The following TNKS variants were observed in gnomAD, a reference collection of about 807,000 sequenced individuals.
The protein encoded by TNKS is poly [ADP-ribose] polymerase tankyrase-1.
Under a neutral mutation model 135.8 loss-of-function variants are expected in TNKS, and 72 were observed. The ratio of observed to expected loss-of-function variants is 0.53; its 90% CI spans 0.44 to 0.64. The LOEUF (loss-of-function observed/expected upper bound fraction) is 0.64, where lower values mean the gene tolerates loss of function less well. Ranked by LOEUF, TNKS falls within the 30% of genes least tolerant of loss-of-function variation. TNKS has a pLI of 0.00. For synonymous variants in TNKS, 849 were observed against 649.3 expected, an observed-to-expected ratio of 1.31 and a Z score of -4.68; for missense variants, 1,769 against 1,674.0, an observed-to-expected ratio of 1.06 and a Z score of -0.99.
intron 3 of TNKS, among the ~76,000 whole-genome samples, chr8:9,662,498 A>G (rs544766781): frequency 1.4e-3 from 219 of 152,302 alleles, no homozygotes; most frequent in African/African-American, 5.1e-3. Context: ...CGCAAGGACA[A>G]AAAACCAAAC....
rs1355050715 is a variant in TNKS, at chr8:9,711,441, T to C, written c.1749+1221T>C. On this transcript the variant is annotated intron_variant, in intron 11 of 26. Coordinates refer to ENST00000310430, the MANE Select transcript of TNKS (RefSeq NM_003747.3). ...AAATGAGTTGAATTTATGGATATTA[T>C]CCTAAATGGTAGAACTTTTATAAAT... is the stretch of plus-strand genomic sequence containing the variant. 2.0e-5 allele frequency among the ~76,000 whole-genome samples: 3 copies of C among 152,216 alleles called. No homozygotes were observed. The East Asian group carries it at 5.8e-4, about 29-fold the overall frequency.
intron 5 of TNKS, among the ~76,000 whole-genome samples, chr8:9,688,038 C>G (rs1304966227): frequency 6.6e-6 from 1 of 152,188 alleles, no homozygotes; most frequent in Non-Finnish European, 1.5e-5. Flanking sequence ...AAGACAGCTT[C>G]TGTGGTATTG....
intron 13 of TNKS, 31 bp downstream of exon 13, chr8:9,726,751 C>T: frequency 6.5e-7 from 1 of 1,532,650 alleles, no homozygotes; most frequent in Non-Finnish European, 9.0e-7. Flanking sequence ...TCTGGAATAG[C>T]ACTGTTGAAC....
chr8:9,658,704 A>C (rs1801545328), intron 3 of TNKS, among the ~76,000 whole-genome samples: 1 of 152,268 alleles, frequency 6.6e-6, no homozygotes, highest in Non-Finnish European at 1.5e-5. Context: ...AGCTAACATC[A>C]TAATGACAGG....
chr8:9,556,813 A>T (rs1384881546), intron 1 of TNKS: 4 of 580,742 alleles, frequency 6.9e-6, no homozygotes, highest in African/African-American at 3.8e-5. Flanking sequence ...AGTGAATCCA[A>T]GGAATTCTTC....
chr8:9,566,344 C>T (rs1164707133), intron 1 of TNKS: 1 of 152,050 alleles, frequency 6.6e-6, no homozygotes, highest in Non-Finnish European at 1.5e-5. Context: ...TCTGCCTCCT[C>T]CTTCTCCCCA....
chr8:9,563,940 A>G (rs1187257500), intron 1 of TNKS, among the ~76,000 whole-genome samples: 4 of 152,242 alleles, frequency 2.6e-5, no homozygotes, highest in African/African-American at 7.2e-5. Context: ...GGTCTGAGAT[A>G]GTTAAGGTAA....
chr8:9,688,575 G>A (rs1283524761), intron 5 of TNKS, among the ~76,000 whole-genome samples: 1 of 152,214 alleles, frequency 6.6e-6, no homozygotes, highest in East Asian at 1.9e-4. Flanking sequence ...AGGCTGGGAA[G>A]TCCAAGGTTT....
intron 3 of TNKS, among the ~76,000 whole-genome samples, chr8:9,628,097 C>T (rs1024123349): frequency 6.6e-6 from 1 of 152,154 alleles, no homozygotes; most frequent in Non-Finnish European, 1.5e-5. Flanking sequence ...CTATGCTCTG[C>T]TTACTGGTTT....
chr8:9,557,376 A>G (rs1815367494), intron 1 of TNKS: 2 of 149,864 alleles, frequency 1.3e-5, no homozygotes, highest in Admixed American at 1.3e-4. Context: ...TGAATTTCTT[A>G]AGCTCTGGAC....
intron 1 of TNKS, among the ~76,000 whole-genome samples, chr8:9,578,085 C>G (rs748044596): frequency 6.6e-6 from 1 of 152,346 alleles, no homozygotes; most frequent in South Asian, 2.1e-4. Context: ...CACACCAACA[C>G]AAGGGGTGGG....
At chr8:9,676,959 A>G (rs565521628) in intron 3 of TNKS, among the ~76,000 whole-genome samples, 2 of 152,286 alleles carry the variant, frequency 1.3e-5, no homozygotes, top group East Asian at 3.9e-4. Flanking sequence ...TAAAGAATAT[A>G]AATGCTCCAT....
At chr8:9,570,861 A>G (rs1490876118) in intron 1 of TNKS, among the ~76,000 whole-genome samples, 1 of 152,174 alleles carries the variant, frequency 6.6e-6, no homozygotes, top group Non-Finnish European at 1.5e-5. Context: ...CCCGGCTACT[A>G]GAGAGGCTGA....
intron 11 of TNKS, 107 bp from the exon 12 acceptor site, chr8:9,720,267 A>C: frequency 2.8e-6 from 3 of 1,066,114 alleles, no homozygotes; most frequent in Non-Finnish European, 3.8e-6. Flanking sequence ...GAGACTTTTT[A>C]AAAGCTTTGA....
At chr8:9,630,535 T>C (rs1800249861) in intron 3 of TNKS, among the ~76,000 whole-genome samples, 1 of 152,146 alleles carries the variant, frequency 6.6e-6, no homozygotes, top group African/African-American at 2.4e-5. Flanking sequence ...AGACTTACTC[T>C]TCAAATAATT....
At chr8:9,753,227 T>G (rs1449482410) in intron 20 of TNKS, among the ~76,000 whole-genome samples, 1 of 152,196 alleles carries the variant, frequency 6.6e-6, no homozygotes, top group Non-Finnish European at 1.5e-5. Flanking sequence ...TCCTTGGTTG[T>G]TTGTTTCCGA....
chr8:9,712,542 A>T (rs992122574), intron 11 of TNKS, among the ~76,000 whole-genome samples: 2 of 152,166 alleles, frequency 1.3e-5, no homozygotes, highest in Non-Finnish European at 2.9e-5. Context: ...AATTTTTATA[A>T]GTTTTTTTAA....
intron 3 of TNKS, among the ~76,000 whole-genome samples, chr8:9,674,573 G>A (rs1042055487): frequency 5.9e-5 from 9 of 152,188 alleles, no homozygotes; most frequent in African/African-American, 1.4e-4. Context: ...GCAATGTTCA[G>A]TATAGAGGTA....
chr8:9,664,072 A>G (rs1415946316), intron 3 of TNKS, among the ~76,000 whole-genome samples: 1 of 152,218 alleles, frequency 6.6e-6, no homozygotes, highest in Non-Finnish European at 1.5e-5. Flanking sequence ...CAGTCGTCTC[A>G]TTATATCTTA....
Sources: allele counts gnomAD v4.1 joint callset (sites outside exome capture counted in the v4.1 genomes callset), GRCh38; gene constraint gnomAD v4.1.1; transcripts MANE v1.5; gene names NCBI Gene and HGNC (gene_info 2026-07-23, HGNC 2026-07-21).